FBXW7: variants seen among roughly 807,000 people sequenced by gnomAD.
FBXW7 encodes F-box/WD repeat-containing protein 7.
A neutral mutation model predicts 86.3 loss-of-function variants in FBXW7; 11 were observed. The observed-to-expected ratio is 0.13, with a 90% CI of 0.08 to 0.21. FBXW7 has a LOEUF of 0.21. FBXW7 is among the 10% of genes least tolerant of loss of function. The pLI, the probability that FBXW7 is intolerant of heterozygous loss-of-function variation, is 1.00. For synonymous variants in FBXW7, 313 were observed against 297.9 expected (o/e 1.05, Z -0.52); for missense variants, 488 against 847.4 (o/e 0.58, Z 5.27).
chr4:152,397,914 T>TTC, intron 4 of FBXW7, among the ~76,000 whole-genome samples: 1 of 151,898 alleles, frequency 6.6e-6, no homozygotes. Flanking sequence ...GAGAGGCCTA[T>TTC]TCTTTTTACA....
At chr4:152,403,738 A>G (rs1030252368) in intron 4 of FBXW7, among the ~76,000 whole-genome samples, 1 of 152,172 alleles carries the variant, frequency 6.6e-6, no homozygotes, top group Non-Finnish European at 1.5e-5. Flanking sequence ...CAGGAGGCGG[A>G]GCACAGGCGG....
At chr4:152,362,044 G>A (rs1314739244) in intron 4 of FBXW7, among the ~76,000 whole-genome samples, 14 of 151,096 alleles carry the variant, frequency 9.3e-5, no homozygotes, top group Admixed American at 9.2e-4. Flanking sequence ...TTTAATACAT[G>A]ATTCTAAAAA....
At chr4:152,401,698 T>A (rs1018976463) in intron 4 of FBXW7, among the ~76,000 whole-genome samples, 4 of 152,138 alleles carry the variant, frequency 2.6e-5, no homozygotes, top group Non-Finnish European at 5.9e-5. Context: ...TGGATAATGA[T>A]ATGACAAAGG....
intron 2 of FBXW7, among the ~76,000 whole-genome samples, chr4:152,452,029 CAAAGT>C (rs1383082236): frequency 6.6e-6 from 1 of 151,988 alleles, no homozygotes; most frequent in Non-Finnish European, 1.5e-5. Flanking sequence ...TGAGTATACA[CAAAGT>C]AAAGTTTTTG....
chr4:152,530,820 C>T (rs1749964189), intron 2 of FBXW7: 1 of 152,232 alleles, frequency 6.6e-6, no homozygotes, highest in Non-Finnish European at 1.5e-5. Flanking sequence ...AACATTCATT[C>T]ACTTCCTTGT....
At chr4:152,368,133 A>G (rs1329610633) in intron 4 of FBXW7, among the ~76,000 whole-genome samples, 1 of 152,076 alleles carries the variant, frequency 6.6e-6, no homozygotes, top group African/African-American at 2.4e-5. Context: ...CACATGCCCC[A>G]TCTGCCAGCA....
chr4:152,460,497 C>T (rs1560925457), intron 2 of FBXW7, among the ~76,000 whole-genome samples: 1 of 152,170 alleles, frequency 6.6e-6, no homozygotes, highest in Non-Finnish European at 1.5e-5. Flanking sequence ...TTTAGAAATG[C>T]TTGCAATGGT....
chr4:152,451,170 T>C (rs1467373830), intron 2 of FBXW7, among the ~76,000 whole-genome samples: 5 of 152,218 alleles, frequency 3.3e-5, no homozygotes, highest in African/African-American at 9.6e-5. Flanking sequence ...TAGGTACAGA[T>C]ACGTTTTCAA....
chr4:152,535,848 G>C lies in FBXW7; in HGVS notation c.-934C>G, dbSNP rs1048633891. 5.1e-6 allele frequency: 2 copies of C among 388,624 alleles called. No homozygotes were observed. Among genetic ancestry groups the C allele is most frequent in the African/African-American group, 2.1e-5 (1 of 48,074 alleles). The allele number at this position is 388,624 out of a possible 1,614,324, so 24.1% of individuals were successfully genotyped here. A position where few individuals can be genotyped will look rare whatever the true frequency, so the allele number is the denominator to read the frequency against. On this transcript the variant is annotated 5_prime_UTR_variant, in exon 1 of 14. Transcript: ENST00000281708. ...GGGCTCCGGCTCTGGCTCCGGCTCC[G>C]GCGTGTGCAGCCGCCGCTGCCGGCC... is the stretch of plus-strand genomic sequence containing the variant.
At chr4:152,378,118 A>G (rs1734724818) in intron 4 of FBXW7, among the ~76,000 whole-genome samples, 1 of 152,204 alleles carries the variant, frequency 6.6e-6, no homozygotes, top group Non-Finnish European at 1.5e-5. Context: ...CACAAAGCCT[A>G]AAATATTTAC....
intron 4 of FBXW7, among the ~76,000 whole-genome samples, chr4:152,410,707 A>C (rs942240388): frequency 2.0e-5 from 3 of 152,182 alleles, no homozygotes; most frequent in African/African-American, 7.2e-5. Flanking sequence ...AGCAAGTAGG[A>C]GTAAGAGGAT....
chr4:152,368,939 A>G (rs1429022542), intron 4 of FBXW7, among the ~76,000 whole-genome samples: 1 of 152,108 alleles, frequency 6.6e-6, no homozygotes, highest in Non-Finnish European at 1.5e-5. Context: ...GAATGAATCT[A>G]CATAATGTAA....
chr4:152,491,246 G>T (rs1018623877), intron 2 of FBXW7, among the ~76,000 whole-genome samples: 1 of 152,034 alleles, frequency 6.6e-6, no homozygotes, highest in Non-Finnish European at 1.5e-5. Context: ...TACAACATAA[G>T]CAGTAATAGA....
chr4:152,446,783 T>C (rs185869551), intron 2 of FBXW7, among the ~76,000 whole-genome samples: 22 of 152,320 alleles, frequency 1.4e-4, no homozygotes, highest in Admixed American at 5.9e-4. Flanking sequence ...GAAGCTGTCA[T>C]AGACGGCACT....
intron 6 of FBXW7, 114 bp from the exon 7 acceptor site, chr4:152,338,050 A>G (rs1730338735): frequency 1.0e-6 from 1 of 963,920 alleles, no homozygotes; most frequent in East Asian, 3.0e-5. Flanking sequence ...AGAACTGTAT[A>G]AAAAGTGGCT....
At chr4:152,361,764 T>C (rs886110956) in intron 4 of FBXW7, among the ~76,000 whole-genome samples, 1 of 151,846 alleles carries the variant, frequency 6.6e-6, no homozygotes, top group Non-Finnish European at 1.5e-5. Context: ...TCACTTGAGG[T>C]GGAGACCAGC....
intron 4 of FBXW7, among the ~76,000 whole-genome samples, chr4:152,390,819 C>CTA (rs142194155): frequency 6.6e-6 from 1 of 151,930 alleles, no homozygotes; most frequent in African/African-American, 2.4e-5. Context: ...GGAAATAATA[C>CTA]TAATATTCTT....
intron 2 of FBXW7, among the ~76,000 whole-genome samples, chr4:152,478,467 C>A (rs77067209): frequency 0.039 from 5,917 of 152,140 alleles, 382 homozygotes; most frequent in African/African-American, 0.13. Context: ...TTCATCTGTT[C>A]ACAGACATTT....
chr4:152,376,765 G>A (rs1278939556), intron 4 of FBXW7, among the ~76,000 whole-genome samples: 1 of 151,808 alleles, frequency 6.6e-6, no homozygotes. Context: ...ATTGTCTTTT[G>A]AGGATAGTCA....
Sources: allele counts gnomAD v4.1 joint callset (sites outside exome capture counted in the v4.1 genomes callset), GRCh38; gene constraint gnomAD v4.1.1; transcripts MANE v1.5; gene names NCBI Gene and HGNC (gene_info 2026-07-23, HGNC 2026-07-21).